Variants in GK observed in about 807,000 individuals in gnomAD.
GK encodes the protein glycerol kinase.
Under a neutral mutation model 56.4 loss-of-function variants are expected in GK, and 9 were observed. The ratio of observed to expected loss-of-function variants is 0.16; its 90% CI spans 0.10 to 0.28. The LOEUF (loss-of-function observed/expected upper bound fraction) is 0.28, where lower values mean the gene tolerates loss of function less well. Ranked by LOEUF, GK falls within the 10% of genes least tolerant of loss-of-function variation. The probability of loss-of-function intolerance (pLI) is 1.00; values close to 1 mark genes in which losing one functional copy is unlikely to be tolerated. For synonymous variants in GK, 104 were observed against 144.1 expected (o/e 0.72, Z 1.99); for missense variants, 161 against 431.4 (o/e 0.37, Z 5.55).
chrX:30,697,705 C>T (rs776356151), intron 8 of GK, 27 bp from the exon 9 acceptor site: 7 of 1,096,560 alleles, frequency 6.4e-6, no homozygotes, highest in Non-Finnish European at 8.8e-6. Context: ...TGCTTCTATC[C>T]TTCTCTCTCC....
At chrX:30,723,781 A>C (rs943665351) in intron 18 of GK, 3 of 269,234 alleles carry the variant, frequency 1.1e-5, no homozygotes, top group Non-Finnish European at 2.0e-5. Flanking sequence ...GTTTTACCAC[A>C]TTGCTCAAGC....
chrX:30,661,377 C>T (rs376099344), intron 1 of GK, among the ~76,000 whole-genome samples: 1 of 110,890 alleles, frequency 9.0e-6, no homozygotes, highest in Non-Finnish European at 1.9e-5. Context: ...AATCTCTCTG[C>T]ACTTGCACTT....
At chrX:30,722,780 AAG>A (rs761019668) in intron 18 of GK, among the ~76,000 whole-genome samples, 32 of 110,770 alleles carry the variant, frequency 2.9e-4, no homozygotes, top group Admixed American at 7.7e-4. Context: ...GGTGTGTGTG[AAG>A]AGAGAGGGGG....
intron 11 of GK, among the ~76,000 whole-genome samples, chrX:30,701,850 C>T (rs1935682710): frequency 9.0e-6 from 1 of 111,375 alleles, no homozygotes; most frequent in Non-Finnish European, 1.9e-5. Context: ...AGATGACTCC[C>T]ACTTTAGGAT....
At chrX:30,703,469 G>A (rs1362210330) in intron 11 of GK, among the ~76,000 whole-genome samples, 2 of 111,050 alleles carry the variant, frequency 1.8e-5, no homozygotes, top group Non-Finnish European at 3.8e-5. Context: ...GGGAGGCCAT[G>A]AGTGAATGTG....
intron 5 of GK, among the ~76,000 whole-genome samples, chrX:30,693,839 A>G (rs1935110672): frequency 8.9e-6 from 1 of 111,746 alleles, no homozygotes; most frequent in Non-Finnish European, 1.9e-5. Context: ...ATGAGCCACC[A>G]CACCTGGCCC....
chrX:30,724,064 C>T, intron 18 of GK, 37 bp from the exon 19 acceptor site: 1 of 849,831 alleles, frequency 1.2e-6, no homozygotes, highest in Non-Finnish European at 1.8e-6. Flanking sequence ...CAGCAAACTA[C>T]CTTTCGTTAT....
At chrX:30,723,889 C>T (rs899729983) in intron 18 of GK, 4 of 439,086 alleles carry the variant, frequency 9.1e-6, no homozygotes, top group Non-Finnish European at 1.7e-5. Context: ...TCCCTGTGTC[C>T]TGTTTCACTC....
intron 5 of GK, among the ~76,000 whole-genome samples, chrX:30,693,333 A>C (rs1035316819): frequency 9.0e-6 from 1 of 110,512 alleles, no homozygotes; most frequent in Non-Finnish European, 1.9e-5. Flanking sequence ...TTAACTAGTT[A>C]ACTTTAATCA....
chrX:30,661,401 C>A (rs1198828332), intron 1 of GK, among the ~76,000 whole-genome samples: 1 of 110,577 alleles, frequency 9.0e-6, no homozygotes, highest in Non-Finnish European at 1.9e-5. Context: ...TTCTGTCAAT[C>A]CCATCGCAGC....
chrX:30,703,541 G>A (rs192652180), intron 11 of GK, among the ~76,000 whole-genome samples: 33 of 111,986 alleles, frequency 2.9e-4, no homozygotes, highest in Non-Finnish European at 5.6e-5. Context: ...CCTGGACCCT[G>A]TGGTTAGGCT....
At chrX:30,724,256 C>T (rs1937040410) in intron 19 of GK, 75 bp downstream of exon 19, 2 of 623,885 alleles carry the variant, frequency 3.2e-6, no homozygotes, top group Admixed American at 2.6e-5. Flanking sequence ...TAGGCATTTA[C>T]ACATAGCCAG....
chrX:30,686,706 T>C (rs1934635729), intron 4 of GK, among the ~76,000 whole-genome samples: 1 of 112,000 alleles, frequency 8.9e-6, no homozygotes, highest in African/African-American at 3.2e-5. Context: ...ACTACATTTA[T>C]CTTCACTCTT....
At chrX:30,683,077 C>A (rs1384498970) in intron 4 of GK, among the ~76,000 whole-genome samples, 1 of 111,329 alleles carries the variant, frequency 9.0e-6, no homozygotes, top group Non-Finnish European at 1.9e-5. Context: ...CAGTCCATAG[C>A]ATTCTCTTTG....
intron 4 of GK, chrX:30,689,774 T>C: frequency 4.4e-6 from 1 of 225,389 alleles, no homozygotes; most frequent in Non-Finnish European, 8.5e-6. Context: ...AGGGTGAGGG[T>C]GGAACGATTT....
At chrX:30,657,429 G>A (rs968432916) in intron 1 of GK, among the ~76,000 whole-genome samples, 8 of 112,184 alleles carry the variant, frequency 7.1e-5, no homozygotes, top group Non-Finnish European at 1.3e-4. Context: ...TAGTGTAACA[G>A]GTTTTAAGGA....
chrX:30,719,573 T>A, intron 15 of GK, 58 bp downstream of exon 15: 1 of 644,854 alleles, frequency 1.6e-6, no homozygotes, highest in Non-Finnish European at 2.6e-6. Context: ...CCAAAGTCGT[T>A]AATAACTTAT....
intron 1 of GK, among the ~76,000 whole-genome samples, chrX:30,662,767 T>TTCCTTC (rs1555910592): frequency 1.3e-5 from 1 of 75,123 alleles, no homozygotes; most frequent in Admixed American, 1.5e-4. Context: ...CCTTCCTTCC[T>TTCCTTC]TCTCTCTCTC....
chrX:30,702,233 A>G (rs185238156), intron 11 of GK, among the ~76,000 whole-genome samples: 470 of 110,192 alleles, frequency 4.3e-3, no homozygotes, highest in African/African-American at 0.015. Flanking sequence ...GTAGAGACGG[A>G]GTTTCTCCAT....
Sources: gnomAD v4.1 joint callset for allele counts (sites outside exome capture counted in the v4.1 genomes callset) on GRCh38, gnomAD v4.1.1 for gene constraint, MANE v1.5 for transcripts, NCBI Gene and HGNC (gene_info 2026-07-23, HGNC 2026-07-21) for gene names.